The following COPE variants were observed in gnomAD, a reference collection of about 807,000 sequenced individuals.
COPE encodes coat protein complex I subunit epsilon, also known as coatomer subunit epsilon.
Under a neutral mutation model 42.1 loss-of-function variants are expected in COPE, and 19 were observed. The observed-to-expected ratio is 0.45, with a 90% CI of 0.31 to 0.66. The LOEUF (loss-of-function observed/expected upper bound fraction) is 0.66, where lower values mean the gene tolerates loss of function less well. Ranked by LOEUF, COPE falls within the 30% of genes least tolerant of loss-of-function variation. COPE has a pLI of 0.05. For missense variants in COPE, 402 were observed against 416.1 expected (o/e 0.97, Z 0.30); for synonymous variants, 195 against 181.3 (o/e 1.08, Z -0.60).
At chr19:18,900,311 G>A (rs2056685673) in intron 8 of COPE, 70 bp downstream of exon 8, 1 of 1,286,894 alleles carries the variant, frequency 7.8e-7, no homozygotes, top group Non-Finnish European at 1.1e-6. Context: ...AGGGATTAGG[G>A]CCTGGACCCC....
chr19:18,913,253 G>T (rs1164481954), intron 1 of COPE, among the ~76,000 whole-genome samples: 1 of 152,164 alleles, frequency 6.6e-6, no homozygotes, highest in Non-Finnish European at 1.5e-5. Flanking sequence ...CTCATCCCGC[G>T]CTGACACCAC....
At chr19:18,900,509 C>A in intron 7 of COPE, 60 bp from the exon 8 acceptor site, 1 of 1,354,974 alleles carries the variant, frequency 7.4e-7, no homozygotes, top group Non-Finnish European at 1.0e-6. Context: ...CATGCCTGCC[C>A]GTCACCCCCA....
chr19:18,909,860 C>T (rs1192674054), intron 3 of COPE, among the ~76,000 whole-genome samples: 1 of 152,162 alleles, frequency 6.6e-6, no homozygotes, highest in Non-Finnish European at 1.5e-5. Flanking sequence ...TTGGGGCCCA[C>T]CCTAAATCCA....
At chr19:18,910,891 C>T (rs774648734) in intron 3 of COPE, 80 bp downstream of exon 3, 39 of 1,269,148 alleles carry the variant, frequency 3.1e-5, no homozygotes, top group Admixed American at 1.5e-4. Flanking sequence ...CACGCCATGC[C>T]CCCACCCACC....
At chr19:18,911,220 T>A in intron 2 of COPE, 149 bp from the exon 3 acceptor site, 1 of 673,274 alleles carries the variant, frequency 1.5e-6, no homozygotes, top group Non-Finnish European at 2.7e-6. Flanking sequence ...CAGTACACTG[T>A]GGAGGGTGGC....
At chr19:18,900,708 G>T (rs746595938) in intron 7 of COPE, among the ~76,000 whole-genome samples, 1 of 152,156 alleles carries the variant, frequency 6.6e-6, no homozygotes, top group African/African-American at 2.4e-5. Context: ...TGGGAAGGTT[G>T]TATTTGTCCC....
chr19:18,918,187 CAAAA>C (rs771893763), intron 1 of COPE, among the ~76,000 whole-genome samples: 1 of 50,226 alleles, frequency 2.0e-5, no homozygotes, highest in Non-Finnish European at 3.5e-5. Context: ...GTCTCCATCT[CAAAA>C]AAAAAAAAAA....
intron 3 of COPE, among the ~76,000 whole-genome samples, chr19:18,910,146 G>A (rs981907951): frequency 1.3e-5 from 2 of 152,182 alleles, no homozygotes; most frequent in Non-Finnish European, 2.9e-5. Context: ...CCCCACAGCA[G>A]GAGGGGGCAA....
At chr19:18,911,318 ACTGT>A (rs938048400) in intron 2 of COPE, 40 of 526,446 alleles carry the variant, frequency 7.6e-5, no homozygotes, top group Admixed American at 5.9e-4. Flanking sequence ...CTGGTAGGTT[ACTGT>A]CTATCCCCTG....
chr19:18,918,940 CAA>C (rs1432427644), intron 1 of COPE, among the ~76,000 whole-genome samples: 1 of 152,212 alleles, frequency 6.6e-6, no homozygotes. Context: ...TATGGCTGAA[CAA>C]AATAGGCTTA....
chr19:18,909,475 C>A (rs946567763), intron 3 of COPE, among the ~76,000 whole-genome samples: 2 of 151,808 alleles, frequency 1.3e-5, no homozygotes, highest in Non-Finnish European at 2.9e-5. Flanking sequence ...AGACATGTCA[C>A]TCCAGTCTGT....
chr19:18,912,156 A>AT (rs1304289767), intron 2 of COPE, among the ~76,000 whole-genome samples: 1 of 150,860 alleles, frequency 6.6e-6, no homozygotes, highest in Non-Finnish European at 1.5e-5. Context: ...CCCCATTCTT[A>AT]TTTTTTTAGA....
At position 18,910,970 on chromosome 19, in the gene COPE, C is replaced by T; in HGVS notation, c.290+1G>A. On this transcript the variant is annotated splice_donor_variant, in intron 3 of 9. Coordinates refer to ENST00000262812, the MANE Select transcript of COPE (RefSeq NM_007263.4). LOFTEE classifies it high-confidence loss of function. The stretch of plus-strand genomic sequence containing the variant: ...GGCCAACCCATTCTCTGGGGCCTCA[C>T]CTCCGACTCTCGTGGGCGAGGTAGT... 1.2e-6 allele frequency: 2 copies of T among 1,613,672 alleles called. No individual in the cohort carries two copies. Among genetic ancestry groups the T allele is most frequent in the South Asian group, 1.1e-5 (1 of 91,090 alleles).
At chr19:18,909,106 C>T (rs1363601418) in intron 3 of COPE, among the ~76,000 whole-genome samples, 1 of 152,242 alleles carries the variant, frequency 6.6e-6, no homozygotes, top group Non-Finnish European at 1.5e-5. Flanking sequence ...GACCACAAGC[C>T]CCTGCCTGGA....
At chr19:18,918,715 G>A (rs1300543487) in intron 1 of COPE, among the ~76,000 whole-genome samples, 2 of 152,024 alleles carry the variant, frequency 1.3e-5, no homozygotes, top group African/African-American at 4.8e-5. Context: ...AGGCGTTTGA[G>A]CCACTGCGCT....
chr19:18,918,204 G>C (rs55857467), intron 1 of COPE, among the ~76,000 whole-genome samples: 1 of 113,446 alleles, frequency 8.8e-6, no homozygotes, highest in Non-Finnish European at 1.7e-5. Flanking sequence ...AAAAAAAAAA[G>C]AAAAGAAAAG....
intron 3 of COPE, among the ~76,000 whole-genome samples, chr19:18,908,473 C>T (rs942992629): frequency 1.3e-5 from 2 of 151,582 alleles, no homozygotes; most frequent in Non-Finnish European, 2.9e-5. Flanking sequence ...ATCGCTTGAG[C>T]CCAGGAGTTT....
intron 7 of COPE, among the ~76,000 whole-genome samples, chr19:18,901,339 G>A (rs550357605): frequency 3.3e-5 from 5 of 152,266 alleles, no homozygotes; most frequent in Admixed American, 3.3e-4. Context: ...GCATCCAAGT[G>A]TTCTCAGGTG....
chr19:18,908,015 G>C (rs114119774), intron 3 of COPE, among the ~76,000 whole-genome samples: 1 of 152,196 alleles, frequency 6.6e-6, no homozygotes, highest in African/African-American at 2.4e-5. Context: ...TCATGCAGGG[G>C]AGGAGCAAGG....
Sources: allele counts gnomAD v4.1 joint callset (sites outside exome capture counted in the v4.1 genomes callset), GRCh38; gene constraint gnomAD v4.1.1; transcripts MANE v1.5; gene names NCBI Gene and HGNC (gene_info 2026-07-23, HGNC 2026-07-21).